The following MAP4K3 variants were observed in gnomAD, a reference collection of about 807,000 sequenced individuals.
The protein encoded by MAP4K3 is mitogen-activated protein kinase kinase kinase kinase 3.
MAP4K3 carries 94 observed loss-of-function variants against 143.5 expected under a neutral mutation model. That is an observed-to-expected ratio of 0.65 (90% CI 0.55 to 0.78). The LOEUF (loss-of-function observed/expected upper bound fraction) is 0.78. Ranked by LOEUF, MAP4K3 falls within the 30% of genes least tolerant of loss-of-function variation. The probability of loss-of-function intolerance (pLI) is 0.00; values close to 1 mark genes in which losing one functional copy is unlikely to be tolerated. For synonymous variants in MAP4K3, 416 were observed against 347.2 expected (o/e 1.20, Z -2.20); for missense variants, 1,077 against 1,068.1 (o/e 1.01, Z -0.12).
At chr2:39,399,430 C>T (rs1164707164) in intron 1 of MAP4K3, among the ~76,000 whole-genome samples, 4 of 152,152 alleles carry the variant, frequency 2.6e-5, no homozygotes, top group Admixed American at 6.5e-5. Context: ...AGAGGAAAGG[C>T]CATTTCCAAT....
At chr2:39,426,647 T>C (rs545212158) in intron 1 of MAP4K3, among the ~76,000 whole-genome samples, 1 of 152,060 alleles carries the variant, frequency 6.6e-6, no homozygotes, top group Non-Finnish European at 1.5e-5. Flanking sequence ...AAAGGATGTA[T>C]GAGAGTTATT....
intron 26 of MAP4K3, among the ~76,000 whole-genome samples, chr2:39,270,671 C>G (rs897812545): frequency 9.2e-5 from 14 of 151,970 alleles, no homozygotes; most frequent in African/African-American, 3.1e-4. Flanking sequence ...AATTCCAAAG[C>G]TTATGCTTTA....
intron 3 of MAP4K3, among the ~76,000 whole-genome samples, chr2:39,350,309 T>C (rs747059279): frequency 6.6e-6 from 1 of 152,216 alleles, no homozygotes; most frequent in African/African-American, 2.4e-5. Flanking sequence ...GTTTAGCTAA[T>C]AGTATCGCAC....
intron 15 of MAP4K3, among the ~76,000 whole-genome samples, chr2:39,306,261 A>G (rs1361551765): frequency 6.6e-6 from 1 of 152,220 alleles, no homozygotes; most frequent in African/African-American, 2.4e-5. Context: ...AATTTCACTA[A>G]TTGTCATTCT....
chr2:39,286,326 C>G (rs1681775015), intron 21 of MAP4K3, among the ~76,000 whole-genome samples: 1 of 152,178 alleles, frequency 6.6e-6, no homozygotes, highest in African/African-American at 2.4e-5. Context: ...GCTCACTTGC[C>G]CACTGCTCAC....
intron 2 of MAP4K3, among the ~76,000 whole-genome samples, chr2:39,364,309 T>C (rs1169329782): frequency 6.6e-6 from 1 of 152,294 alleles, no homozygotes; most frequent in African/African-American, 2.4e-5. Context: ...AAGATGAAAA[T>C]ATTCTAGAGC....
chr2:39,364,217 G>A (rs1665857371), intron 2 of MAP4K3, among the ~76,000 whole-genome samples: 1 of 152,130 alleles, frequency 6.6e-6, no homozygotes, highest in African/African-American at 2.4e-5. Context: ...TGCACTCCAG[G>A]AAGCAGAATG....
At chr2:39,389,543 C>CACTTTT (rs1233624629) in intron 1 of MAP4K3, among the ~76,000 whole-genome samples, 1 of 151,952 alleles carries the variant, frequency 6.6e-6, no homozygotes, top group Non-Finnish European at 1.5e-5. Context: ...TAAAAGCACT[C>CACTTTT]AGAGAAAAGG....
chr2:39,347,386 A>C (rs115856499), intron 3 of MAP4K3, among the ~76,000 whole-genome samples: 1,808 of 152,336 alleles, frequency 0.012, 21 homozygotes, highest in Non-Finnish European at 0.017. Flanking sequence ...TGAATCTTTC[A>C]TGTTAAATGC....
chr2:39,384,999 T>C (rs1191779282), intron 1 of MAP4K3, among the ~76,000 whole-genome samples: 1 of 152,226 alleles, frequency 6.6e-6, no homozygotes, highest in African/African-American at 2.4e-5. Flanking sequence ...ATTCATTATA[T>C]AACATCTTTA....
chr2:39,436,652 G>T, intron 1 of MAP4K3: 1 of 546,068 alleles, frequency 1.8e-6, no homozygotes, highest in South Asian at 2.0e-5. Context: ...GCGCAAGAAG[G>T]GAGGTGGCAA....
intron 26 of MAP4K3, among the ~76,000 whole-genome samples, chr2:39,270,156 C>T (rs1212036730): frequency 6.6e-6 from 1 of 152,134 alleles, no homozygotes; most frequent in Admixed American, 6.5e-5. Context: ...CTGCCAAGTT[C>T]TGAAAGACCA....
chr2:39,414,924 G>A (rs1667330892), intron 1 of MAP4K3, among the ~76,000 whole-genome samples: 1 of 151,566 alleles, frequency 6.6e-6, no homozygotes, highest in South Asian at 2.1e-4. Flanking sequence ...AACCTTGTAT[G>A]AAAGCCAAGT....
intron 28 of MAP4K3, among the ~76,000 whole-genome samples, chr2:39,262,286 C>T (rs1021333451): frequency 6.6e-6 from 1 of 152,154 alleles, no homozygotes; most frequent in Non-Finnish European, 1.5e-5. Flanking sequence ...TCTGTGTTCA[C>T]CTGCTGTTCC....
chr2:39,255,051 C>G (rs1316636582), intron 31 of MAP4K3, among the ~76,000 whole-genome samples: 1 of 152,138 alleles, frequency 6.6e-6, no homozygotes, highest in Non-Finnish European at 1.5e-5. Context: ...CATTTCTGGT[C>G]TTTCCTTCCT....
At chr2:39,389,028 AC>A (rs1475451554) in intron 1 of MAP4K3, among the ~76,000 whole-genome samples, 1 of 152,246 alleles carries the variant, frequency 6.6e-6, no homozygotes, top group Non-Finnish European at 1.5e-5. Flanking sequence ...AAGATATATA[AC>A]ATTACAATCA....
chr2:39,342,593 T>A (rs1665175384), intron 4 of MAP4K3, among the ~76,000 whole-genome samples: 1 of 152,194 alleles, frequency 6.6e-6, no homozygotes, highest in East Asian at 1.9e-4. Flanking sequence ...AATCTTTATG[T>A]TAAGTAAAAC....
intron 2 of MAP4K3, among the ~76,000 whole-genome samples, chr2:39,358,931 A>G (rs1665686706): frequency 1.3e-5 from 2 of 152,146 alleles, no homozygotes; most frequent in Admixed American, 6.5e-5. Flanking sequence ...ACCAAACTAC[A>G]TCATTCCACT....
At chr2:39,267,135 C>T (rs1436818790) in intron 27 of MAP4K3, 54 bp downstream of exon 27, 2 of 1,550,322 alleles carry the variant, frequency 1.3e-6, no homozygotes, top group Non-Finnish European at 1.8e-6. Flanking sequence ...CTGTTTTATG[C>T]CAGATTTTAG....
Sources: allele counts gnomAD v4.1 joint callset (sites outside exome capture counted in the v4.1 genomes callset), GRCh38; gene constraint gnomAD v4.1.1; transcripts MANE v1.5; gene names NCBI Gene and HGNC (gene_info 2026-07-23, HGNC 2026-07-21).